TAOK3: variants seen among roughly 807,000 people sequenced by gnomAD.
The protein encoded by TAOK3 is TAO kinase 3.
TAOK3 carries 40 observed loss-of-function variants against 120.4 expected under a neutral mutation model. That is an observed-to-expected ratio of 0.33 (90% CI 0.26 to 0.43). The LOEUF is 0.43. Ranked by LOEUF, TAOK3 falls within the 20% of genes least tolerant of loss-of-function variation. The probability of loss-of-function intolerance (pLI) is 1.00; values close to 1 mark genes in which losing one functional copy is unlikely to be tolerated. For synonymous variants in TAOK3, 355 were observed against 387.5 expected (o/e 0.92, Z 0.99); for missense variants, 821 against 1,112.1 (o/e 0.74, Z 3.72).
At chr12:118,240,368 G>A (rs1018853891) in intron 5 of TAOK3, among the ~76,000 whole-genome samples, 5 of 151,694 alleles carry the variant, frequency 3.3e-5, no homozygotes, top group Admixed American at 6.6e-5. Flanking sequence ...TAGTAGAGAC[G>A]GGGTTTCTCC....
chr12:118,285,231 C>T (rs957644159), intron 1 of TAOK3, among the ~76,000 whole-genome samples: 5 of 151,574 alleles, frequency 3.3e-5, no homozygotes, highest in Admixed American at 2.0e-4. Flanking sequence ...TTTGTAGAGA[C>T]GGGGTTTCTC....
At chr12:118,368,488 G>A (rs1286389375) in intron 1 of TAOK3, among the ~76,000 whole-genome samples, 1 of 141,606 alleles carries the variant, frequency 7.1e-6, no homozygotes, top group South Asian at 2.5e-4. Context: ...GTGAGCCACC[G>A]CGCCCGGCCT....
chr12:118,359,667 T>C (rs986911673), intron 1 of TAOK3: 3 of 152,224 alleles, frequency 2.0e-5, no homozygotes, highest in African/African-American at 7.2e-5. Flanking sequence ...CAGCGTGATC[T>C]GGGTGCCACA....
At chr12:118,192,529 T>A (rs1490331292) in intron 13 of TAOK3, among the ~76,000 whole-genome samples, 1 of 152,204 alleles carries the variant, frequency 6.6e-6, no homozygotes, top group Non-Finnish European at 1.5e-5. Context: ...ACAGTGGATA[T>A]TCATTTCAAG....
chr12:118,324,734 C>CTTTTTTTTTTT (rs35462737), intron 1 of TAOK3, among the ~76,000 whole-genome samples: 2 of 69,584 alleles, frequency 2.9e-5, no homozygotes, highest in African/African-American at 6.1e-5. Flanking sequence ...GAATTTCATT[C>CTTTTTTTTTTT]TTTTTTTTTT....
intron 15 of TAOK3, among the ~76,000 whole-genome samples, chr12:118,178,121 T>A (rs573361628): frequency 2.0e-4 from 31 of 152,138 alleles, no homozygotes; most frequent in African/African-American, 7.5e-4. Flanking sequence ...TAAGTATTTT[T>A]AAAAAATGAT....
chr12:118,255,904 GA>G (rs1009148197), intron 2 of TAOK3: 1 of 166,512 alleles, frequency 6.0e-6, no homozygotes, highest in Non-Finnish European at 1.3e-5. Flanking sequence ...CCAACATGGA[GA>G]AACCCTGTCT....
At chr12:118,319,732 T>G (rs1222429692) in intron 1 of TAOK3, among the ~76,000 whole-genome samples, 2 of 152,094 alleles carry the variant, frequency 1.3e-5, no homozygotes, top group African/African-American at 4.8e-5. Context: ...CTGGAACCCT[T>G]TCGCACACTG....
At position 118,150,832 on chromosome 12, in the gene TAOK3, G is replaced by C; in HGVS notation, c.*165C>G. The C allele has an allele frequency of 2.5e-6, 2 of 784,918 alleles. No individual in the cohort carries two copies. The highest frequency in any genetic ancestry group is 3.9e-6 in the Non-Finnish European group (2 of 515,574). 48.6% of individuals were successfully genotyped at this position (784,918 alleles called of 1,614,324 possible). A position where few individuals can be genotyped will look rare whatever the true frequency, so the allele number is the denominator to read the frequency against. On this transcript the variant is annotated 3_prime_UTR_variant, in exon 21 of 21. Transcript: ENST00000392533. ...GGGGGGAGGAAGGGGGCCCCTGATG[G>C]AGTAAGAATAAACAGGCACTAGTCC...
At chr12:118,179,768 C>T (rs1448368409) in intron 15 of TAOK3, among the ~76,000 whole-genome samples, 3 of 151,724 alleles carry the variant, frequency 2.0e-5, no homozygotes, top group Non-Finnish European at 2.9e-5. Context: ...TCTCAGCCTC[C>T]CGAGTAGCTG....
chr12:118,306,333 TTA>T (rs2043051524), intron 1 of TAOK3, among the ~76,000 whole-genome samples: 2 of 152,192 alleles, frequency 1.3e-5, no homozygotes, highest in African/African-American at 4.8e-5. Flanking sequence ...ACTTTATTTT[TTA>T]TGTTTTTATT....
In TAOK3 at chr12:118,239,738, A is replaced by G. The variant is rs114873486; in HGVS notation, c.295-466T>C. Among the ~76,000 whole-genome samples, 1,295 of 152,358 alleles carry G rather than the reference A, an allele frequency of 8.5e-3. 12 individuals are homozygous for G. The highest frequency in any genetic ancestry group is 0.029 in the African/African-American group (1,196 of 41,586). ...TTTTTCACACTTTAAAAAGTTTTAA[A>G]CAAGAAACAGATATTGTTTTGAACT... On this transcript the variant is annotated intron_variant, in intron 5 of 20. Transcript: ENST00000392533.
intron 1 of TAOK3, among the ~76,000 whole-genome samples, chr12:118,347,283 G>A (rs1352058376): frequency 6.6e-6 from 1 of 152,170 alleles, no homozygotes; most frequent in Non-Finnish European, 1.5e-5. Context: ...CAAGTGCTGG[G>A]ATTACAGGTG....
At chr12:118,197,460 A>G (rs1166201763) in intron 13 of TAOK3, among the ~76,000 whole-genome samples, 1 of 152,146 alleles carries the variant, frequency 6.6e-6, no homozygotes. Flanking sequence ...TAAAAATCCC[A>G]TTAGTTCTAG....
At chr12:118,174,799 G>A (rs917757016) in intron 16 of TAOK3, among the ~76,000 whole-genome samples, 8 of 151,962 alleles carry the variant, frequency 5.3e-5, no homozygotes, top group African/African-American at 1.9e-4. Flanking sequence ...GAGTAGCTGG[G>A]ATTACAGGCG....
intron 1 of TAOK3, among the ~76,000 whole-genome samples, chr12:118,268,348 T>G (rs1490343344): frequency 6.6e-6 from 1 of 152,230 alleles, no homozygotes; most frequent in African/African-American, 2.4e-5. Flanking sequence ...ATTGGAATAA[T>G]TTTTAGATGC....
intron 1 of TAOK3, among the ~76,000 whole-genome samples, chr12:118,277,105 A>C (rs2041929616): frequency 6.6e-6 from 1 of 152,260 alleles, no homozygotes; most frequent in African/African-American, 2.4e-5. Context: ...AATTGCTTTG[A>C]CAGTACAGAT....
intron 9 of TAOK3, among the ~76,000 whole-genome samples, chr12:118,214,498 G>GA (rs1854771586): frequency 6.7e-6 from 1 of 148,158 alleles, no homozygotes. Context: ...AAAAGAAAAA[G>GA]AAAAAAATTC....
intron 16 of TAOK3, 48 bp downstream of exon 16, chr12:118,177,153 C>T: frequency 6.3e-7 from 1 of 1,591,648 alleles, no homozygotes; most frequent in Non-Finnish European, 8.6e-7. Context: ...TGTTAAGTTC[C>T]AACCATTCTA....
Sources: gnomAD v4.1 joint callset for allele counts (sites outside exome capture counted in the v4.1 genomes callset) on GRCh38, gnomAD v4.1.1 for gene constraint, MANE v1.5 for transcripts, NCBI Gene and HGNC (gene_info 2026-07-23, HGNC 2026-07-21) for gene names.